The following NELL1 variants were observed in gnomAD, a reference collection of about 807,000 sequenced individuals.
NELL1 encodes protein kinase C-binding protein NELL1.
Under a neutral mutation model 107.4 loss-of-function variants are expected in NELL1, and 76 were observed. That is an observed-to-expected ratio of 0.71 (90% CI 0.59 to 0.86). The LOEUF is 0.86. Among genes scored for constraint, NELL1 ranks in the 40% least tolerant of loss-of-function variants. NELL1 has a pLI of 0.00. For missense variants in NELL1, 1,024 were observed against 1,005.5 expected (o/e 1.02, Z -0.25); for synonymous variants, 353 against 341.2 (o/e 1.03, Z -0.38).
chr11:21,362,237 G>A (rs1398959592), intron 14 of NELL1, among the ~76,000 whole-genome samples: 1 of 152,166 alleles, frequency 6.6e-6, no homozygotes, highest in Non-Finnish European at 1.5e-5. Flanking sequence ...CTTCCTGAGA[G>A]CTGGACTGCA....
chr11:21,338,289 T>C (rs568686327), intron 14 of NELL1, among the ~76,000 whole-genome samples: 1 of 152,272 alleles, frequency 6.6e-6, no homozygotes, highest in African/African-American at 2.4e-5. Context: ...GTTAAACAGG[T>C]AAAGAAAGTG....
intron 13 of NELL1, among the ~76,000 whole-genome samples, chr11:21,174,523 T>C (rs1856672784): frequency 6.6e-6 from 1 of 151,740 alleles, no homozygotes; most frequent in African/African-American, 2.4e-5. Flanking sequence ...GTTGGTTAAA[T>C]ATATCCTCTA....
At chr11:20,961,146 A>G (rs1851281913) in intron 12 of NELL1, among the ~76,000 whole-genome samples, 1 of 152,164 alleles carries the variant, frequency 6.6e-6, no homozygotes, top group African/African-American at 2.4e-5. Flanking sequence ...TCAAGCATCA[A>G]TGACCCACAT....
chr11:21,491,843 T>C (rs1057061942), intron 15 of NELL1, among the ~76,000 whole-genome samples: 4 of 152,150 alleles, frequency 2.6e-5, no homozygotes, highest in Non-Finnish European at 5.9e-5. Flanking sequence ...TGGAATGTTC[T>C]TCCATTTGTT....
chr11:20,775,081 G>A (rs1268664924), intron 2 of NELL1, among the ~76,000 whole-genome samples: 1 of 152,078 alleles, frequency 6.6e-6, no homozygotes, highest in South Asian at 2.1e-4. Context: ...TCTATGATGA[G>A]CTCATATATT....
chr11:21,466,195 A>C (rs1854025428), intron 15 of NELL1, among the ~76,000 whole-genome samples: 1 of 152,146 alleles, frequency 6.6e-6, no homozygotes, highest in Admixed American at 6.6e-5. Context: ...CTTCCAGCAC[A>C]ATGCATTGCC....
intron 13 of NELL1, among the ~76,000 whole-genome samples, chr11:21,200,635 T>G (rs1857249428): frequency 6.6e-6 from 1 of 152,210 alleles, no homozygotes; most frequent in African/African-American, 2.4e-5. Flanking sequence ...CAATTTAGTT[T>G]AATTAGATCC....
chr11:21,218,117 A>G (rs569395577), intron 13 of NELL1, among the ~76,000 whole-genome samples: 2 of 152,296 alleles, frequency 1.3e-5, no homozygotes, highest in South Asian at 2.1e-4. Flanking sequence ...TATTTCAAAT[A>G]TACTATAGCC....
intron 1 of NELL1, among the ~76,000 whole-genome samples, chr11:20,670,150 A>G (rs2133840497): frequency 6.6e-6 from 1 of 151,340 alleles, no homozygotes; most frequent in Non-Finnish European, 1.5e-5. Context: ...TGTGGAAACC[A>G]CTCTCGCCGA....
intron 11 of NELL1, among the ~76,000 whole-genome samples, chr11:20,958,247 A>G (rs576077170): frequency 1.3e-5 from 2 of 151,962 alleles, no homozygotes; most frequent in African/African-American, 2.4e-5. Context: ...GTGAGACTTC[A>G]TCTCTCCAAA....
intron 14 of NELL1, among the ~76,000 whole-genome samples, chr11:21,253,334 G>A (rs1246293915): frequency 6.6e-6 from 1 of 151,954 alleles, no homozygotes; most frequent in African/African-American, 2.4e-5. Flanking sequence ...TACTAATACT[G>A]TAGTGATAGA....
At chr11:20,776,197 G>A (rs1856746484) in intron 2 of NELL1, among the ~76,000 whole-genome samples, 1 of 152,136 alleles carries the variant, frequency 6.6e-6, no homozygotes, top group Non-Finnish European at 1.5e-5. Flanking sequence ...CGGCACTTTG[G>A]GAGGCCAAGG....
intron 5 of NELL1, among the ~76,000 whole-genome samples, chr11:20,917,110 C>T (rs1287779027): frequency 6.6e-6 from 1 of 151,898 alleles, no homozygotes; most frequent in Non-Finnish European, 1.5e-5. Flanking sequence ...AGATTGTGCT[C>T]CATTAATTGC....
intron 14 of NELL1, among the ~76,000 whole-genome samples, chr11:21,340,188 T>C (rs1850527745): frequency 1.3e-5 from 2 of 152,360 alleles, no homozygotes; most frequent in Non-Finnish European, 2.9e-5. Context: ...AGTCTCACTC[T>C]GTCGCCCAGG....
chr11:21,042,538 C>T (rs1392031613), intron 12 of NELL1, among the ~76,000 whole-genome samples: 1 of 152,196 alleles, frequency 6.6e-6, no homozygotes, highest in Non-Finnish European at 1.5e-5. Flanking sequence ...CCAAACAGCA[C>T]ATCACCTACA....
At chr11:20,682,937 A>G (rs1479347681) in intron 2 of NELL1, among the ~76,000 whole-genome samples, 1 of 152,102 alleles carries the variant, frequency 6.6e-6, no homozygotes, top group Non-Finnish European at 1.5e-5. Flanking sequence ...TACAGGCAAT[A>G]TATAGTTGGA....
intron 15 of NELL1, among the ~76,000 whole-genome samples, chr11:21,433,443 G>C (rs1434350220): frequency 1.3e-5 from 2 of 152,030 alleles, no homozygotes; most frequent in African/African-American, 4.8e-5. Flanking sequence ...AGTTTTTTGA[G>C]AAATCTACAT....
chr11:20,922,683 TGG>T (rs1372149371), intron 7 of NELL1, among the ~76,000 whole-genome samples: 2 of 152,158 alleles, frequency 1.3e-5, no homozygotes, highest in African/African-American at 4.8e-5. Flanking sequence ...CCGATTAAGA[TGG>T]GTAGACAGTC....
intron 2 of NELL1, among the ~76,000 whole-genome samples, chr11:20,714,817 A>T (rs1855201481): frequency 1.3e-5 from 2 of 152,222 alleles, no homozygotes; most frequent in Non-Finnish European, 2.9e-5. Context: ...CATGAGGGAT[A>T]TAACAGTGAA....
Sources: gnomAD v4.1 joint callset for allele counts (sites outside exome capture counted in the v4.1 genomes callset) on GRCh38, gnomAD v4.1.1 for gene constraint, MANE v1.5 for transcripts, NCBI Gene and HGNC (gene_info 2026-07-23, HGNC 2026-07-21) for gene names.